CYRIB: variants seen among roughly 807,000 people sequenced by gnomAD.
CYRIB encodes CYFIP-related Rac1 interactor B.
CYRIB carries 8 observed loss-of-function variants against 44.2 expected under a neutral mutation model. The ratio of observed to expected loss-of-function variants is 0.18; its 90% confidence interval spans 0.11 to 0.33. The LOEUF (loss-of-function observed/expected upper bound fraction) is 0.33, where lower values mean the gene tolerates loss of function less well. Ranked by LOEUF, CYRIB falls within the 10% of genes least tolerant of loss-of-function variation. The pLI is 1.00. For synonymous variants in CYRIB, 131 were observed against 127.2 expected, an observed-to-expected ratio of 1.03 and a Z score of -0.20; for missense variants, 185 against 382.8, an observed-to-expected ratio of 0.48 and a Z score of 4.31.
intron 11 of CYRIB, among the ~76,000 whole-genome samples, chr8:129,842,919 G>A (rs2130905607): frequency 6.6e-6 from 1 of 152,198 alleles, no homozygotes; most frequent in South Asian, 2.1e-4. Context: ...TCTCTAAAAT[G>A]TCTCAATTCT....
intron 2 of CYRIB, among the ~76,000 whole-genome samples, chr8:129,959,254 CCAGCCACAGCCA>C (rs1392464417): frequency 7.5e-6 from 1 of 133,066 alleles, no homozygotes; most frequent in Admixed American, 7.6e-5. Flanking sequence ...TGTAGCAGCC[CCAGCCACAGCCA>C]CAGCCACACC....
intron 3 of CYRIB, among the ~76,000 whole-genome samples, chr8:129,877,558 A>T (rs2059483459): frequency 6.6e-6 from 1 of 151,458 alleles, no homozygotes; most frequent in South Asian, 2.1e-4. Context: ...CTGAGGTGGG[A>T]GGATCCCTTG....
intron 11 of CYRIB, among the ~76,000 whole-genome samples, chr8:129,843,561 C>T (rs1243714018): frequency 6.6e-6 from 1 of 152,212 alleles, no homozygotes; most frequent in Non-Finnish European, 1.5e-5. Flanking sequence ...CACATATAAT[C>T]TTAAGGACTA....
chr8:129,839,933 T>C (rs143327860), exon 12 of CYRIB: 1 of 152,302 alleles, frequency 6.6e-6, no homozygotes, highest in African/African-American at 2.4e-5. Flanking sequence ...CCTCTCCAAA[T>C]CTGGGTACTG....
At position 129,912,319 on chromosome 8, in the gene CYRIB, C is replaced by G. The variant is rs191595428; in HGVS notation, c.-49-8969G>C. ...CTCCAAAATTATCTGAAGTTGCAAA[C>G]TGCACTAGCACTGAAATGACCATTC... On this transcript the variant is annotated intron_variant, in intron 1 of 11. Transcript: ENST00000519824. The G allele has an allele frequency of 3.3e-5, 5 of 152,234 alleles. No individual in the cohort carries two copies. In the East Asian group the frequency reaches 5.8e-4, roughly 18 times the overall value. 9.4% of individuals were successfully genotyped at this position (152,234 alleles called of 1,614,324 possible).
intron 1 of CYRIB, among the ~76,000 whole-genome samples, chr8:130,014,213 C>G (rs6987080): frequency 0.56 from 84,370 of 151,998 alleles, 25,701 homozygotes; most frequent in African/African-American, 0.82. Context: ...GCTAAGGCAG[C>G]GAGGATCCCT....
At chr8:129,841,905 A>C (rs559224429) in exon 12 of CYRIB, 21 of 421,622 alleles carry the variant, frequency 5.0e-5, no homozygotes, top group Non-Finnish European at 8.5e-5. Flanking sequence ...TGCAATGCAT[A>C]ATTAGCTGCC....
At chr8:129,919,088 G>A (rs2082219028) in intron 1 of CYRIB, among the ~76,000 whole-genome samples, 1 of 151,938 alleles carries the variant, frequency 6.6e-6, no homozygotes, top group Admixed American at 6.6e-5. Context: ...GGCTTGTCTC[G>A]AACTCCTGGC....
chr8:129,885,266 C>G (rs968528473), intron 2 of CYRIB, among the ~76,000 whole-genome samples: 1 of 152,184 alleles, frequency 6.6e-6, no homozygotes, highest in Non-Finnish European at 1.5e-5. Flanking sequence ...CCTTTCTCTG[C>G]CAACCTTCTC....
chr8:129,884,500 C>A (rs987430881), intron 2 of CYRIB, among the ~76,000 whole-genome samples: 1 of 152,062 alleles, frequency 6.6e-6, no homozygotes, highest in African/African-American at 2.4e-5. Context: ...CTTGGTCAGG[C>A]TGGTCTCAAA....
chr8:129,841,929 T>G (rs2036523284), exon 12 of CYRIB: 1 of 488,342 alleles, frequency 2.0e-6, no homozygotes, highest in Non-Finnish European at 3.6e-6. Flanking sequence ...GATGGCCCGT[T>G]TGAAAGGATG....
intron 2 of CYRIB, among the ~76,000 whole-genome samples, chr8:129,881,972 A>C (rs2060958323): frequency 6.6e-6 from 1 of 152,240 alleles, no homozygotes; most frequent in Admixed American, 6.5e-5. Flanking sequence ...AGATGTTGGA[A>C]GAAACCATTT....
chr8:129,852,340 T>TAAGTTATATAATTGTTATATATGTATA (rs2043730437), intron 7 of CYRIB, 62 bp from the exon 10 acceptor site: 2 of 1,044,820 alleles, frequency 1.9e-6, no homozygotes. Flanking sequence ...ATAACAATTA[T>TAAGTTATATAATTGTTATATATGTATA]ACAAGGACCC....
rs1260112551 is a variant in CYRIB at position 129,997,134 on chromosome 8, G to GAGGAGGAGGAGA, written c.-296+19235_-296+19236insTCTCCTCCTCCT. 2.1e-3 allele frequency among the ~76,000 whole-genome samples: 321 copies of GAGGAGGAGGAGA among 150,802 alleles called. 5 individuals carry two copies. Among genetic ancestry groups the GAGGAGGAGGAGA allele is most frequent in the African/African-American group, 7.5e-3 (306 of 40,674 alleles). On this transcript the variant is annotated intron_variant, in intron 1 of 14. Transcript: ENST00000401979. ...GGAAGGAAGGAAGGAGGAGGAGGAG[G>GAGGAGGAGGAGA]AGGAGGGAGGAAAGGAGGGAGAGGG...
At chr8:129,886,249 A>G (rs1019271347) in intron 2 of CYRIB, among the ~76,000 whole-genome samples, 8 of 152,190 alleles carry the variant, frequency 5.3e-5, no homozygotes, top group African/African-American at 1.9e-4. Flanking sequence ...CAAAACTTGC[A>G]TTTGGCTAAA....
intron 2 of CYRIB, among the ~76,000 whole-genome samples, chr8:129,960,789 A>G (rs1465518617): frequency 1.3e-5 from 2 of 151,624 alleles, no homozygotes; most frequent in East Asian, 3.9e-4. Flanking sequence ...CATCTCCACT[A>G]AAAATACAAT....
intron 5 of CYRIB, among the ~76,000 whole-genome samples, chr8:129,860,906 C>T (rs996781814): frequency 1.3e-5 from 2 of 151,324 alleles, no homozygotes; most frequent in African/African-American, 4.8e-5. Flanking sequence ...AGTGTTAAAC[C>T]TGGCAACTAA....
intron 11 of CYRIB, among the ~76,000 whole-genome samples, chr8:129,845,263 G>C (rs77014578): frequency 0.019 from 2,860 of 152,238 alleles, 98 homozygotes; most frequent in African/African-American, 0.063. Context: ...TTACCTTCAA[G>C]TTTTTAAAAA....
chr8:129,970,066 T>C (rs76686860), intron 2 of CYRIB, among the ~76,000 whole-genome samples: 105 of 152,338 alleles, frequency 6.9e-4, no homozygotes, highest in African/African-American at 2.3e-3. Flanking sequence ...TCTAGAAATA[T>C]TGTATATCCT....
Sources: allele counts gnomAD v4.1 joint callset (sites outside exome capture counted in the v4.1 genomes callset), GRCh38; gene constraint gnomAD v4.1.1; transcripts MANE v1.5; gene names NCBI Gene and HGNC (gene_info 2026-07-23, HGNC 2026-07-21).